The following LPCAT3 variants were observed in gnomAD, a reference collection of about 807,000 sequenced individuals.
LPCAT3 encodes lysophosphatidylcholine acyltransferase 3.
A neutral mutation model predicts 63.4 loss-of-function variants in LPCAT3; 21 were observed. The observed-to-expected ratio is 0.33, with a 90% CI of 0.23 to 0.48. The LOEUF (loss-of-function observed/expected upper bound fraction) is 0.48, where lower values mean the gene tolerates loss of function less well. Among genes scored for constraint, LPCAT3 ranks in the 20% least tolerant of loss-of-function variants. LPCAT3 has a pLI of 0.99. For missense variants in LPCAT3, 451 were observed against 590.6 expected (o/e 0.76, Z 2.45); for synonymous variants, 242 against 227.5 (o/e 1.06, Z -0.58).
At chr12:6,984,012 C>T (rs1180499357) in intron 1 of LPCAT3, among the ~76,000 whole-genome samples, 1 of 152,282 alleles carries the variant, frequency 6.6e-6, no homozygotes, top group East Asian at 1.9e-4. Flanking sequence ...TGAGCGTACC[C>T]ATCTATGCTC....
intron 1 of LPCAT3, among the ~76,000 whole-genome samples, chr12:6,996,965 G>A (rs188135755): frequency 1.9e-4 from 29 of 152,130 alleles, no homozygotes; most frequent in Non-Finnish European, 1.6e-4. Context: ...TAACAAAATG[G>A]ATGGGAAAGT....
chr12:7,006,272 A>C (rs922728880), intron 1 of LPCAT3, among the ~76,000 whole-genome samples: 1 of 152,196 alleles, frequency 6.6e-6, no homozygotes, highest in Non-Finnish European at 1.5e-5. Flanking sequence ...AGGCTATAGT[A>C]CAGTGGCGTG....
chr12:6,978,314 G>A (rs374587541), intron 9 of LPCAT3, 27 bp downstream of exon 9: 1 of 1,588,460 alleles, frequency 6.3e-7, no homozygotes, highest in Non-Finnish European at 8.6e-7. Context: ...AAGGAACCAG[G>A]GTCCAGGCTC....
chr12:7,013,532 C>CAG (rs1946779331), intron 1 of LPCAT3, among the ~76,000 whole-genome samples: 1 of 151,984 alleles, frequency 6.6e-6, no homozygotes, highest in Non-Finnish European at 1.5e-5. Context: ...AGACACAATC[C>CAG]AGAGGTTGTA....
chr12:6,980,906 C>CT (rs1946463983), intron 6 of LPCAT3, 98 bp downstream of exon 6: 1 of 1,257,196 alleles, frequency 8.0e-7, no homozygotes. Context: ...ACTCAGGTCT[C>CT]TATGCCAGGG....
chr12:7,000,024 A>G (rs1418606952), intron 1 of LPCAT3, among the ~76,000 whole-genome samples: 2 of 150,426 alleles, frequency 1.3e-5, no homozygotes, highest in East Asian at 2.0e-4. Flanking sequence ...GGTTCAAGCA[A>G]TTCTCCTGCC....
At chr12:7,014,529 A>C (rs188555905) in intron 1 of LPCAT3, among the ~76,000 whole-genome samples, 5 of 152,134 alleles carry the variant, frequency 3.3e-5, no homozygotes, top group African/African-American at 1.2e-4. Context: ...GACTGCTCAA[A>C]ATACTCCAGT....
intron 6 of LPCAT3, among the ~76,000 whole-genome samples, chr12:6,980,122 G>A (rs1225119003): frequency 2.0e-5 from 3 of 149,382 alleles, no homozygotes; most frequent in Non-Finnish European, 3.0e-5. Flanking sequence ...GTCATTGCTC[G>A]CTGTGGCCTT....
chr12:6,984,878 C>A (rs1344650739), intron 1 of LPCAT3, among the ~76,000 whole-genome samples: 5 of 152,156 alleles, frequency 3.3e-5, no homozygotes, highest in African/African-American at 1.2e-4. Context: ...AGTCACTGTG[C>A]CTGATGAATT....
Position 6,976,901 on chromosome 12 carries a change from A to C in LPCAT3, c.*13-10T>G. 2.1e-6 allele frequency: 1 copy of C among 471,908 alleles called. No homozygotes were observed. Among genetic ancestry groups the C allele is most frequent in the South Asian group, 2.4e-5 (1 of 41,652 alleles). The allele number at this position is 471,908 out of a possible 1,614,324, so 29.2% of individuals were successfully genotyped here. On this transcript the variant is annotated splice_polypyrimidine_tract_variant and intron_variant, in intron 12 of 12. Transcript: ENST00000261407. ...GTCCCGCACAGGCCACCTGCAAGAC[A>C]AGAGGAGTTTGGAAGGCTGGTTAGT... is the stretch of plus-strand genomic sequence containing the variant.
intron 1 of LPCAT3, among the ~76,000 whole-genome samples, chr12:6,991,030 T>C (rs781945524): frequency 6.6e-6 from 1 of 151,482 alleles, no homozygotes; most frequent in South Asian, 2.1e-4. Flanking sequence ...ATAAATAACA[T>C]ACTTTAAATG....
chr12:6,982,569 G>A (rs868976370), intron 3 of LPCAT3, 107 bp downstream of exon 3: 1 of 768,442 alleles, frequency 1.3e-6, no homozygotes, highest in Non-Finnish European at 2.2e-6. Flanking sequence ...GCTGGGAGAG[G>A]GGTTAGAAAT....
chr12:6,981,944 T>C (rs782567472), intron 3 of LPCAT3, 40 bp from the exon 4 acceptor site: 6 of 989,148 alleles, frequency 6.1e-6, no homozygotes, highest in Non-Finnish European at 8.2e-6. Flanking sequence ...ATCACTACTA[T>C]TTCTTCTCCT....
chr12:6,984,416 G>A (rs1946501745), intron 1 of LPCAT3, among the ~76,000 whole-genome samples: 1 of 152,196 alleles, frequency 6.6e-6, no homozygotes, highest in Non-Finnish European at 1.5e-5. Flanking sequence ...CTCACCTTCA[G>A]TGTTCTATCT....
chr12:6,977,955 C>T lies in LPCAT3; in HGVS notation c.1041-210G>A. The T allele has an allele frequency of 1.7e-6, 1 of 597,368 alleles. No homozygotes were observed. Among genetic ancestry groups the T allele is most frequent in the Non-Finnish European group, 2.9e-6 (1 of 341,664 alleles). 37.0% of individuals were successfully genotyped at this position (597,368 alleles called of 1,614,324 possible). On this transcript the variant is annotated intron_variant, in intron 9 of 12. Transcript: ENST00000261407. This position sits in a 1 kb window ranked among gnomAD's most constrained non-coding sequence, Gnocchi z 4.5. The stretch of plus-strand genomic sequence containing the variant: ...GAGCTGGAGACCGTGTGCGCACGAG[C>T]CACTTGGTTCAGCAGCAGTGACTGA...
At chr12:7,000,311 G>T (rs1304410933) in intron 1 of LPCAT3, among the ~76,000 whole-genome samples, 1 of 151,566 alleles carries the variant, frequency 6.6e-6, no homozygotes, top group East Asian at 2.0e-4. Context: ...AAAATATTTG[G>T]CCGGGCGCGG....
In LPCAT3 at chr12:6,996,962, A is replaced by G. The variant is rs114942928; in HGVS notation, c.152-13423T>C. 1.5e-3 allele frequency among the ~76,000 whole-genome samples: 234 copies of G among 152,290 alleles called. 1 individual carries two copies. The highest frequency in any genetic ancestry group is 5.4e-3 in the African/African-American group (224 of 41,554). On this transcript the variant is annotated intron_variant, in intron 1 of 12. Transcript: ENST00000261407. Reference sequence around the variant, plus strand: ...AAGGGAGGAAAAATATTGTAACAAAATGGATGGGAAAGTGAAAAACCAGGC... The same window carrying G: ...AAGGGAGGAAAAATATTGTAACAAAGTGGATGGGAAAGTGAAAAACCAGGC...
At chr12:6,983,223 C>T in intron 2 of LPCAT3, 1 of 494,870 alleles carries the variant, frequency 2.0e-6, no homozygotes, top group Non-Finnish European at 3.6e-6. Context: ...CAAGGGTAAC[C>T]ACCCTCAAAA....
chr12:6,996,060 TC>T (rs1946633451), intron 1 of LPCAT3, among the ~76,000 whole-genome samples: 1 of 152,160 alleles, frequency 6.6e-6, no homozygotes, highest in Non-Finnish European at 1.5e-5. Context: ...GCCTCTATTC[TC>T]ACTCAGATCA....
Sources: gnomAD v4.1 joint callset for allele counts (sites outside exome capture counted in the v4.1 genomes callset) on GRCh38, gnomAD v4.1.1 for gene constraint, Gnocchi (gnomAD v3.1) non-coding constraint, MANE v1.5 for transcripts, NCBI Gene and HGNC (gene_info 2026-07-23, HGNC 2026-07-21) for gene names.